WASF1: variants seen among roughly 807,000 people sequenced by gnomAD.
WASF1 encodes the protein actin-binding protein WASF1.
WASF1 carries 7 observed loss-of-function variants against 50.5 expected under a neutral mutation model. That is an observed-to-expected ratio of 0.14 (90% CI 0.08 to 0.26). WASF1 has a LOEUF of 0.26. Among genes scored for constraint, WASF1 ranks in the 10% least tolerant of loss-of-function variants. The pLI is 1.00. For synonymous variants in WASF1, 205 were observed against 244.0 expected (o/e 0.84, Z 1.49); for missense variants, 470 against 694.7 (o/e 0.68, Z 3.64).
intron 3 of WASF1, among the ~76,000 whole-genome samples, chr6:110,145,942 TGGACACA>T (rs1432591218): frequency 8.0e-6 from 1 of 125,094 alleles, no homozygotes; most frequent in Non-Finnish European, 1.6e-5. Flanking sequence ...TGAGAACACA[TGGACACA>T]GGAAGGGGAA....
rs1002321852 is a variant in WASF1, at chr6:110,100,164, T to C, written c.*358A>G. On this transcript the variant is annotated 3_prime_UTR_variant, in exon 11 of 11. Coordinates refer to ENST00000392589, the MANE Select transcript of WASF1 (RefSeq NM_003931.3). ...AATAAGGCTCATTAGTAGACACAGC[T>C]GCCCTCAAGATTTCAATTTCAGTTG... 1.2e-5 allele frequency: 2 copies of C among 163,168 alleles called. No homozygotes were observed. The highest frequency in any genetic ancestry group is 2.7e-5 in the Non-Finnish European group (2 of 75,086). The allele number at this position is 163,168 out of a possible 1,614,324, so 10.1% of individuals were successfully genotyped here. A position where few individuals can be genotyped will look rare whatever the true frequency, so the allele number is the denominator to read the frequency against.
chr6:110,111,162 CTGTG>C (rs1381392599), intron 5 of WASF1, among the ~76,000 whole-genome samples: 1 of 151,826 alleles, frequency 6.6e-6, no homozygotes, highest in African/African-American at 2.4e-5. Context: ...TGAGAACTGC[CTGTG>C]TATTTCTCTA....
chr6:110,178,525 A>AT (rs1282413829), intron 2 of WASF1, 73 bp downstream of exon 2: 1 of 152,636 alleles, frequency 6.6e-6, no homozygotes, highest in Non-Finnish European at 1.5e-5. Flanking sequence ...CCAAAGAAAA[A>AT]ATTTAAGTCG....
chr6:110,130,911 T>C (rs1032240306), intron 3 of WASF1, among the ~76,000 whole-genome samples: 3 of 150,622 alleles, frequency 2.0e-5, no homozygotes, highest in Non-Finnish European at 2.9e-5. Flanking sequence ...TGGCTACTTG[T>C]TATAGTTTTA....
chr6:110,138,721 C>G (rs1176653431), intron 3 of WASF1, among the ~76,000 whole-genome samples: 2 of 152,168 alleles, frequency 1.3e-5, no homozygotes, highest in East Asian at 3.9e-4. Flanking sequence ...GTCCCAATGT[C>G]TGTGTGAATC....
intron 4 of WASF1, among the ~76,000 whole-genome samples, chr6:110,118,451 T>C (rs975152825): frequency 1.4e-4 from 20 of 145,148 alleles, no homozygotes; most frequent in African/African-American, 5.1e-4. Context: ...CAAAGGCAGC[T>C]ACTACATAAT....
chr6:110,118,974 A>G (rs932603922), intron 4 of WASF1, among the ~76,000 whole-genome samples: 11 of 152,222 alleles, frequency 7.2e-5, no homozygotes, highest in Admixed American at 5.2e-4. Flanking sequence ...AGGCAGAAAT[A>G]AAGATGTTCT....
intron 3 of WASF1, among the ~76,000 whole-genome samples, chr6:110,149,439 ATCT>A (rs1562182947): frequency 6.7e-6 from 1 of 150,318 alleles, no homozygotes; most frequent in Non-Finnish European, 1.5e-5. Context: ...ATGAAATGTC[ATCT>A]TCTTTCTGTA....
chr6:110,125,346 C>T (rs1281830718), intron 4 of WASF1, among the ~76,000 whole-genome samples: 1 of 152,178 alleles, frequency 6.6e-6, no homozygotes. Flanking sequence ...TATGTTGCAT[C>T]TTCCCTTACA....
chr6:110,112,798 G>T (rs140971809), intron 5 of WASF1, among the ~76,000 whole-genome samples: 9,547 of 151,474 alleles, frequency 0.063, 362 homozygotes, highest in African/African-American at 0.12. Context: ...TACTCAGGAG[G>T]CTGAGGCAGG....
chr6:110,106,278 C>T (rs1162173192), intron 7 of WASF1, among the ~76,000 whole-genome samples: 1 of 152,222 alleles, frequency 6.6e-6, no homozygotes, highest in Non-Finnish European at 1.5e-5. Context: ...TTAAAAACCT[C>T]TGTGTTTGGC....
At chr6:110,172,131 C>T (rs543462277) in intron 2 of WASF1, among the ~76,000 whole-genome samples, 1 of 152,286 alleles carries the variant, frequency 6.6e-6, no homozygotes, top group East Asian at 1.9e-4. Context: ...GTGGCGATTC[C>T]TCAAGGATCT....
chr6:110,172,892 A>G (rs1776776147), intron 2 of WASF1, among the ~76,000 whole-genome samples: 1 of 152,088 alleles, frequency 6.6e-6, no homozygotes, highest in African/African-American at 2.4e-5. Flanking sequence ...ATGTAACTAA[A>G]CTGTACGTGT....
At chr6:110,167,087 G>A (rs1233188741) in intron 2 of WASF1, among the ~76,000 whole-genome samples, 3 of 151,630 alleles carry the variant, frequency 2.0e-5, no homozygotes, top group African/African-American at 7.3e-5. Context: ...ATCATGCAGT[G>A]TTAGCCATCA....
intron 4 of WASF1, among the ~76,000 whole-genome samples, chr6:110,122,531 T>C (rs1284534113): frequency 6.6e-6 from 1 of 152,206 alleles, no homozygotes; most frequent in Non-Finnish European, 1.5e-5. Flanking sequence ...TCTCTGCCTC[T>C]GCTACTCCTG....
At position 110,108,695 on chromosome 6, in the gene WASF1, C is replaced by T; in HGVS notation, c.269-14G>A. On this transcript the variant is annotated splice_polypyrimidine_tract_variant and intron_variant, in intron 5 of 10. Transcript: ENST00000392589. Reference sequence around the variant, plus strand: ...CTTGCAAAGACACTAAAACAAAAATCAAGAATTCATTTTATTTTATTTTAC... The same window carrying T: ...CTTGCAAAGACACTAAAACAAAAATTAAGAATTCATTTTATTTTATTTTAC... 6.2e-7 allele frequency: 1 copy of T among 1,604,562 alleles called. No individual in the cohort carries two copies. The highest frequency in any genetic ancestry group is 8.5e-7 in the Non-Finnish European group (1 of 1,174,764).
At chr6:110,139,774 T>C (rs1018555109) in intron 3 of WASF1, among the ~76,000 whole-genome samples, 6 of 152,186 alleles carry the variant, frequency 3.9e-5, no homozygotes, top group African/African-American at 1.4e-4. Flanking sequence ...CCACAAATAG[T>C]ACTGAGCCTA....
chr6:110,170,392 T>A (rs72934093), intron 2 of WASF1, among the ~76,000 whole-genome samples: 330 of 152,182 alleles, frequency 2.2e-3, no homozygotes, highest in Non-Finnish European at 4.1e-3. Flanking sequence ...CTGGCTAATT[T>A]CTGTATTTTT....
chr6:110,105,502 C>T lies in WASF1; in HGVS notation c.618G>A (p.Lys206=). Reference sequence around the variant, plus strand: ...CAGCCAGCTCTGGACCTTGGGCCAGCTTCTGCCATTCTCGCCGCCTGTCAT... The same window carrying T: ...CAGCCAGCTCTGGACCTTGGGCCAGTTTCTGCCATTCTCGCCGCCTGTCAT... ...APHDRRREWQ[K]LAQGPELAED... Residue 206 remains lysine, a synonymous_variant, in exon 8 of 11, where the codon AAG becomes AAA. Coordinates refer to ENST00000392589, the MANE Select transcript of WASF1 (RefSeq NM_003931.3). 6.2e-7 allele frequency: 1 copy of T among 1,614,050 alleles called. No homozygotes were observed. The highest frequency in any genetic ancestry group is 1.3e-5 in the African/African-American group (1 of 75,052).
Sources: allele counts gnomAD v4.1 joint callset (sites outside exome capture counted in the v4.1 genomes callset), GRCh38; gene constraint gnomAD v4.1.1; transcripts MANE v1.5; gene names NCBI Gene and HGNC (gene_info 2026-07-23, HGNC 2026-07-21).